Variants in PGGT1B observed in about 807,000 individuals in gnomAD.
PGGT1B encodes protein geranylgeranyltransferase type I subunit beta.
Under a neutral mutation model 46.1 loss-of-function variants are expected in PGGT1B, and 30 were observed. The observed-to-expected ratio is 0.65, with a 90% CI of 0.49 to 0.88. PGGT1B has a LOEUF of 0.88. Among genes scored for constraint, PGGT1B ranks in the 40% least tolerant of loss-of-function variants. PGGT1B has a pLI of 0.00. For synonymous variants in PGGT1B, 170 were observed against 160.0 expected (o/e 1.06, Z -0.47); for missense variants, 376 against 455.9 (o/e 0.82, Z 1.60).
chr5:115,228,727 A>T (rs1368925882), intron 6 of PGGT1B, among the ~76,000 whole-genome samples: 1 of 152,168 alleles, frequency 6.6e-6, no homozygotes, highest in African/African-American at 2.4e-5. Flanking sequence ...AGAAACAAAG[A>T]TGGTGAAGGA....
chr5:115,210,083 A>G lies in PGGT1B; in HGVS notation c.*2319T>C, dbSNP rs1756179137. The G allele has an allele frequency of 6.6e-6, 1 of 152,148 alleles. No homozygotes were observed. The highest frequency in any genetic ancestry group is 2.1e-4 in the South Asian group (1 of 4,832). The allele number at this position is 152,148 out of a possible 1,614,324, so 9.4% of individuals were successfully genotyped here. A position where few individuals can be genotyped will look rare whatever the true frequency, so the allele number is the denominator to read the frequency against. Reference sequence around the variant, plus strand: ...ATCTAATAACACATATATATTATAGATCAAATCTAAAAACACTGAAATGAT... The same window carrying G: ...ATCTAATAACACATATATATTATAGGTCAAATCTAAAAACACTGAAATGAT... On this transcript the variant is annotated 3_prime_UTR_variant, in exon 9 of 9. Coordinates refer to ENST00000419445, the MANE Select transcript of PGGT1B (RefSeq NM_005023.4).
chr5:115,237,752 C>G (rs1468562181), intron 4 of PGGT1B, 106 bp downstream of exon 4: 2 of 916,946 alleles, frequency 2.2e-6, no homozygotes, highest in East Asian at 5.2e-5. Flanking sequence ...AGGTGGGGTT[C>G]TAATAGAGTA....
rs1298435796 is a variant in PGGT1B, at chr5:115,262,793, A to T, written c.59T>A (p.Phe20Tyr). The T allele has an allele frequency of 6.2e-7, 1 of 1,613,006 alleles. No individual in the cohort carries two copies. The highest frequency in any genetic ancestry group is 8.5e-7 in the Non-Finnish European group (1 of 1,179,874). Residue 20 changes from phenylalanine (F) to tyrosine (Y), a missense_variant, in exon 1 of 9, where the codon TTC becomes TAC. By Grantham distance (22) the Phe-to-Tyr change is conservative. Around this residue, in one of 2 missense-constraint regions of PGGT1B, gnomAD observed 154 missense variants for 142.3 expected, o/e 1.08. Coordinates refer to ENST00000419445, the MANE Select transcript of PGGT1B (RefSeq NM_005023.4). ...AAATCGCACGTGCCGATCCCGTAAG[A>T]AATCCAGCCGCTCTCCCTCACCGCT... ...AGSGEGERLD[F>Y]LRDRHVRFFQ...
rs1188279381 is a variant in PGGT1B, at chr5:115,221,857, G to C, written c.810C>G (p.Thr270=). ...TTGCTCCCACCCAAAAAGAATAACA[G>C]GTGTCTACAGGCTTATTAGGTCTTC... ...YHGRPNKPVD[T]CYSFWVGATL... Residue 270 remains threonine, a synonymous_variant, in exon 7 of 9, where the codon ACC becomes ACG. Transcript: ENST00000419445. The C allele has an allele frequency of 4.4e-6, 7 of 1,600,518 alleles. No homozygotes were observed. Among genetic ancestry groups the C allele is most frequent in the Non-Finnish European group, 5.1e-6 (6 of 1,175,140 alleles).
chr5:115,230,914 C>T (rs1404177011), intron 6 of PGGT1B, 62 bp downstream of exon 6: 2 of 981,794 alleles, frequency 2.0e-6, no homozygotes, highest in Non-Finnish European at 3.2e-6. Context: ...ATACTGAAGA[C>T]ACCAAGATGT....
chr5:115,252,888 A>G (rs1426471953), intron 2 of PGGT1B: 12 of 402,724 alleles, frequency 3.0e-5, no homozygotes, highest in Non-Finnish European at 5.3e-5. Context: ...GTGGAAGTAT[A>G]CAACATAGTA....
At position 115,210,757 on chromosome 5, in the gene PGGT1B, G is replaced by C. The variant is rs1379070423; in HGVS notation, c.*1645C>G. 6.6e-6 allele frequency: 1 copy of C among 152,026 alleles called. No individual in the cohort carries two copies. Among genetic ancestry groups the C allele is most frequent in the Non-Finnish European group, 1.5e-5 (1 of 67,948 alleles). 9.4% of individuals were successfully genotyped at this position (152,026 alleles called of 1,614,324 possible). A position where few individuals can be genotyped will look rare whatever the true frequency, so the allele number is the denominator to read the frequency against. On this transcript the variant is annotated 3_prime_UTR_variant, in exon 9 of 9. Coordinates refer to ENST00000419445, the MANE Select transcript of PGGT1B (RefSeq NM_005023.4). ...CTTCCAATGTCTAAGAGATGACTTAGTTTGAGATATGGATGTCTTAATCTG... is the reference window on the plus strand; with the variant it reads ...CTTCCAATGTCTAAGAGATGACTTACTTTGAGATATGGATGTCTTAATCTG...
At chr5:115,233,414 A>G (rs1396232035) in intron 5 of PGGT1B, among the ~76,000 whole-genome samples, 1 of 151,864 alleles carries the variant, frequency 6.6e-6, no homozygotes, top group Non-Finnish European at 1.5e-5. Context: ...CACTGAAAAA[A>G]GGAGAAAACA....
At position 115,211,763 on chromosome 5, in the gene PGGT1B, T is replaced by A. The variant is rs1345797331; in HGVS notation, c.*639A>T. On this transcript the variant is annotated 3_prime_UTR_variant, in exon 9 of 9. Coordinates refer to ENST00000419445, the MANE Select transcript of PGGT1B (RefSeq NM_005023.4). Reference sequence around the variant, plus strand: ...TGCTTTTCCCTCAGTTACATAATAGTTGTCTTCAAACAATCTCCTTTTAGA... The same window carrying A: ...TGCTTTTCCCTCAGTTACATAATAGATGTCTTCAAACAATCTCCTTTTAGA... 1 of 152,234 alleles carries A rather than the reference T, an allele frequency of 6.6e-6. No individual in the cohort carries two copies. The highest frequency in any genetic ancestry group is 6.5e-5 in the Admixed American group (1 of 15,276). 9.4% of individuals were successfully genotyped at this position (152,234 alleles called of 1,614,324 possible).
chr5:115,212,071 T>A lies in PGGT1B; in HGVS notation c.*331A>T, dbSNP rs1756246976. ...TGAAGTGTAAACTTGAAAATTTGTG[T>A]CCATTTTATAATAAGATACAATTTG... On this transcript the variant is annotated 3_prime_UTR_variant, in exon 9 of 9. Transcript: ENST00000419445. 3 of 210,112 alleles carry A rather than the reference T, an allele frequency of 1.4e-5. No individual in the cohort carries two copies. Among genetic ancestry groups the A allele is most frequent in the Non-Finnish European group, 2.9e-5 (3 of 104,674 alleles). 13.0% of individuals were successfully genotyped at this position (210,112 alleles called of 1,614,324 possible).
chr5:115,254,801 A>G (rs1310790789), intron 1 of PGGT1B, among the ~76,000 whole-genome samples: 1 of 152,124 alleles, frequency 6.6e-6, no homozygotes, highest in Admixed American at 6.6e-5. Flanking sequence ...GACTATTACC[A>G]TGTATTAGAC....
At chr5:115,228,338 CA>C (rs538219950) in intron 6 of PGGT1B, among the ~76,000 whole-genome samples, 1 of 151,900 alleles carries the variant, frequency 6.6e-6, no homozygotes, top group Non-Finnish European at 1.5e-5. Flanking sequence ...GTAACATAGG[CA>C]AAAAACTCTG....
At chr5:115,241,903 GTGATCAACA>G (rs1292313073) in intron 2 of PGGT1B, among the ~76,000 whole-genome samples, 1 of 151,800 alleles carries the variant, frequency 6.6e-6, no homozygotes, top group Non-Finnish European at 1.5e-5. Context: ...CAATTTTTAT[GTGATCAACA>G]TGTTCAATCC....
intron 6 of PGGT1B, among the ~76,000 whole-genome samples, chr5:115,228,836 T>C (rs1468082765): frequency 3.3e-5 from 5 of 151,992 alleles, no homozygotes; most frequent in African/African-American, 9.7e-5. Context: ...AAATATAAGA[T>C]GAGGAATGAG....
At chr5:115,244,358 G>A (rs1015990340) in intron 2 of PGGT1B, among the ~76,000 whole-genome samples, 13 of 150,340 alleles carry the variant, frequency 8.6e-5, no homozygotes, top group Non-Finnish European at 1.5e-4. Flanking sequence ...CCAGCTACTC[G>A]GGAGGCTGAG....
At chr5:115,223,965 T>C (rs113641108) in intron 6 of PGGT1B, among the ~76,000 whole-genome samples, 122 of 152,308 alleles carry the variant, frequency 8.0e-4, no homozygotes, top group African/African-American at 2.7e-3. Context: ...AAATCTTGAA[T>C]GTATTCTCTG....
chr5:115,209,992 T>C lies in PGGT1B; in HGVS notation c.*2410A>G, dbSNP rs940289426. On this transcript the variant is annotated 3_prime_UTR_variant, in exon 9 of 9. Transcript: ENST00000419445. ...TCAAAAATGATCAGGTCCAACAGTTTTCAAATTATATACCACTGTCAGCAA... is the reference window on the plus strand; with the variant it reads ...TCAAAAATGATCAGGTCCAACAGTTCTCAAATTATATACCACTGTCAGCAA... The C allele has an allele frequency of 3.3e-5, 5 of 152,116 alleles. No individual in the cohort carries two copies. The highest frequency in any genetic ancestry group is 4.8e-5 in the African/African-American group (2 of 41,434). The allele number at this position is 152,116 out of a possible 1,614,324, so 9.4% of individuals were successfully genotyped here.
rs143376350 is a variant in PGGT1B at position 115,225,349 on chromosome 5, A to G, written c.659-3341T>C. On this transcript the variant is annotated intron_variant, in intron 6 of 8. Coordinates refer to ENST00000419445, the MANE Select transcript of PGGT1B (RefSeq NM_005023.4). Reference sequence around the variant, plus strand: ...GACCATAGAGACTCTCTCTTAACCTACCCCAATTCTTCCAACTGCAGGGTA... The same window carrying G: ...GACCATAGAGACTCTCTCTTAACCTGCCCCAATTCTTCCAACTGCAGGGTA... Among the ~76,000 whole-genome samples the G allele has an allele frequency of 3.7e-3, 563 of 152,248 alleles. 3 individuals are homozygous for G. Among genetic ancestry groups the G allele is most frequent in the African/African-American group, 0.013 (539 of 41,548 alleles).
At position 115,253,052 on chromosome 5, in the gene PGGT1B, C is replaced by T. The variant is rs963767238; in HGVS notation, c.259+85G>A. ...ATAAATAAAATATGTTAACAGTATA[C>T]AAGTACTAAGATTTTCTAGTCCAAC... On this transcript the variant is annotated intron_variant, in intron 2 of 8. Transcript: ENST00000419445. The T allele has an allele frequency of 2.9e-5, 33 of 1,149,170 alleles. 1 individual carries two copies. Among genetic ancestry groups the T allele is most frequent in the East Asian group, 7.5e-5 (3 of 40,218 alleles). 71.2% of individuals were successfully genotyped at this position (1,149,170 alleles called of 1,614,324 possible). A position where few individuals can be genotyped will look rare whatever the true frequency, so the allele number is the denominator to read the frequency against.
Sources: allele counts gnomAD v4.1 joint callset (sites outside exome capture counted in the v4.1 genomes callset), GRCh38; gene constraint gnomAD v4.1.1; regional missense constraint gnomAD v4.1.1; transcripts MANE v1.5; gene names NCBI Gene and HGNC (gene_info 2026-07-23, HGNC 2026-07-21).